TCAIM: variants seen among roughly 807,000 people sequenced by gnomAD.
TCAIM encodes T-cell activation inhibitor, mitochondrial.
A neutral mutation model predicts 58.6 loss-of-function variants in TCAIM; 36 were observed. The ratio of observed to expected loss-of-function variants is 0.61; its 90% CI spans 0.47 to 0.81. TCAIM has a LOEUF of 0.81. TCAIM is among the 30% of genes least tolerant of loss of function. The pLI, the probability that TCAIM is intolerant of heterozygous loss-of-function variation, is 0.00. For synonymous variants in TCAIM, 172 were observed against 193.6 expected, an observed-to-expected ratio of 0.89 and a Z score of 0.93; for missense variants, 466 against 579.6, an observed-to-expected ratio of 0.80 and a Z score of 2.01.
intron 5 of TCAIM, among the ~76,000 whole-genome samples, chr3:44,374,368 G>A (rs943006227): frequency 1.1e-4 from 16 of 149,642 alleles, no homozygotes; most frequent in African/African-American, 2.7e-4. Flanking sequence ...AAAATACTTC[G>A]TTTAGTTACA....
rs1167337184 is a variant in TCAIM, at chr3:44,356,343, A to G, written c.30-1398A>G. Among the ~76,000 whole-genome samples the G allele has an allele frequency of 2.0e-5, 3 of 152,160 alleles. No individual in the cohort carries two copies. The East Asian group carries it at 5.8e-4, about 29-fold the overall frequency. On this transcript the variant is annotated intron_variant, in intron 2 of 10. Coordinates refer to ENST00000342649, the MANE Select transcript of TCAIM (RefSeq NM_173826.4). ...GGAGTTCAAGACCAGCTGGGCCAAC[A>G]TGGCGAAACACCGTCTCTACTAAAA...
intron 1 of TCAIM, among the ~76,000 whole-genome samples, chr3:44,348,485 A>G (rs918509039): frequency 5.9e-5 from 9 of 152,226 alleles, no homozygotes; most frequent in Admixed American, 1.3e-4. Context: ...ACTTGAAGCA[A>G]GATCCTGGGG....
In TCAIM at chr3:44,338,796, AGTCGGACAAAGCCCTCGC is replaced by A. The variant is rs1700785549; in HGVS notation, c.-75_-58del. 1 of 152,304 alleles carries A rather than the reference AGTCGGACAAAGCCCTCGC, an allele frequency of 6.6e-6. No homozygotes were observed. The highest frequency in any genetic ancestry group is 2.1e-4 in the South Asian group (1 of 4,830). 9.4% of individuals were successfully genotyped at this position (152,304 alleles called of 1,614,324 possible). A position where few individuals can be genotyped will look rare whatever the true frequency, so the allele number is the denominator to read the frequency against. Reference sequence around the variant, plus strand: ...GGTGTACTGGGTGGGAGGTGGAACTAGTCGGACAAAGCCCTCGCGTCGGACCCTTGCCAGAACTGTAAG... The same window carrying A: ...GGTGTACTGGGTGGGAGGTGGAACTAGTCGGACCCTTGCCAGAACTGTAAG... On this transcript the variant is annotated 5_prime_UTR_variant, in exon 1 of 11. Transcript: ENST00000342649.
chr3:44,364,499 G>A (rs1017017512), intron 4 of TCAIM, among the ~76,000 whole-genome samples: 9 of 152,100 alleles, frequency 5.9e-5, no homozygotes, highest in African/African-American at 2.2e-4. Flanking sequence ...CAACACTCTT[G>A]AGAGGCCAAG....
chr3:44,372,802 G>T (rs563468514), intron 5 of TCAIM, among the ~76,000 whole-genome samples: 1 of 152,108 alleles, frequency 6.6e-6, no homozygotes, highest in South Asian at 2.1e-4. Flanking sequence ...CGCCGTGTTA[G>T]CCAGGATGGT....
intron 3 of TCAIM, chr3:44,359,073 A>G (rs935532970): frequency 2.0e-6 from 2 of 983,414 alleles, no homozygotes; most frequent in Non-Finnish European, 2.4e-6. Flanking sequence ...TTATTCTACC[A>G]ATGTATTTTT....
intron 6 of TCAIM, among the ~76,000 whole-genome samples, chr3:44,393,609 A>G (rs1395849492): frequency 1.3e-5 from 2 of 152,172 alleles, no homozygotes; most frequent in African/African-American, 2.4e-5. Flanking sequence ...TATATAAAAA[A>G]TAATTATGCC....
chr3:44,383,815 A>C (rs1429482481), intron 5 of TCAIM, among the ~76,000 whole-genome samples: 1 of 103,608 alleles, frequency 9.7e-6, no homozygotes, highest in Non-Finnish European at 2.4e-5. Flanking sequence ...TCTACAAAAA[A>C]AAAAAAAAAA....
At chr3:44,400,926 T>C (rs1166630410) in intron 9 of TCAIM, 10 of 486,154 alleles carry the variant, frequency 2.1e-5, no homozygotes, top group Middle Eastern at 5.6e-4. Flanking sequence ...TGGGTACTTA[T>C]ATGCATTCTG....
intron 1 of TCAIM, chr3:44,340,384 T>C (rs1700832429): frequency 6.6e-6 from 1 of 152,220 alleles, no homozygotes. Context: ...TCTTACAAGG[T>C]TGAAGACTAA....
At chr3:44,339,171 CTCTTTT>C (rs780575718) in intron 1 of TCAIM, among the ~76,000 whole-genome samples, 2 of 152,064 alleles carry the variant, frequency 1.3e-5, no homozygotes, top group Non-Finnish European at 2.9e-5. Flanking sequence ...CCTGCTTTTG[CTCTTTT>C]TCTTTGCCTT....
At chr3:44,378,210 G>T (rs373400077) in intron 5 of TCAIM, among the ~76,000 whole-genome samples, 1 of 150,730 alleles carries the variant, frequency 6.6e-6, no homozygotes, top group African/African-American at 2.4e-5. Flanking sequence ...GTGAAACCCC[G>T]TCTCTACTAA....
At chr3:44,375,245 T>A (rs1701546612) in intron 5 of TCAIM, among the ~76,000 whole-genome samples, 1 of 152,182 alleles carries the variant, frequency 6.6e-6, no homozygotes, top group South Asian at 2.1e-4. Context: ...TATAAAGGAA[T>A]ACTAGAGGCT....
intron 4 of TCAIM, chr3:44,363,102 T>G (rs1701318063): frequency 6.6e-6 from 1 of 152,216 alleles, no homozygotes; most frequent in African/African-American, 2.4e-5. Flanking sequence ...CACTAGTGCT[T>G]CTGCTACCAC....
intron 1 of TCAIM, among the ~76,000 whole-genome samples, chr3:44,350,496 G>A (rs1321326773): frequency 5.3e-5 from 8 of 151,682 alleles, no homozygotes; most frequent in African/African-American, 7.3e-5. Context: ...ACAGCAGCAC[G>A]ATTGCAGCTC....
intron 5 of TCAIM, among the ~76,000 whole-genome samples, chr3:44,372,804 C>T (rs938157074): frequency 6.6e-6 from 1 of 152,044 alleles, no homozygotes; most frequent in Non-Finnish European, 1.5e-5. Flanking sequence ...CCGTGTTAGC[C>T]AGGATGGTCT....
At position 44,399,867 on chromosome 3, in the gene TCAIM, T is replaced by C. The variant is rs544670764; in HGVS notation, c.886-488T>C. ...CCAGCCAAACAGGGACAAACTCTTA[T>C]AATCTGTACACTTGAAGTGTCCAGC... On this transcript the variant is annotated intron_variant, in intron 8 of 10. Transcript: ENST00000342649. Among the ~76,000 whole-genome samples the C allele has an allele frequency of 5.9e-5, 9 of 152,346 alleles. No homozygotes were observed. The South Asian group carries it at 1.9e-3, about 32-fold the overall frequency.
chr3:44,375,054 G>C (rs1009502187), intron 5 of TCAIM, among the ~76,000 whole-genome samples: 2 of 151,882 alleles, frequency 1.3e-5, no homozygotes, highest in Admixed American at 6.6e-5. Flanking sequence ...CCTTGTACGT[G>C]GTATTCTGGC....
intron 5 of TCAIM, among the ~76,000 whole-genome samples, chr3:44,370,088 T>G (rs1701440551): frequency 6.6e-6 from 1 of 152,158 alleles, no homozygotes; most frequent in South Asian, 2.1e-4. Flanking sequence ...TGTGAATTCT[T>G]GATTTCCTCA....
Sources: gnomAD v4.1 joint callset for allele counts (sites outside exome capture counted in the v4.1 genomes callset) on GRCh38, gnomAD v4.1.1 for gene constraint, MANE v1.5 for transcripts, NCBI Gene and HGNC (gene_info 2026-07-23, HGNC 2026-07-21) for gene names.